Variants in KDM2B observed in about 807,000 individuals in gnomAD.
KDM2B encodes lysine demethylase 2B, also known as lysine-specific demethylase 2B.
Under a neutral mutation model 150.0 loss-of-function variants are expected in KDM2B, and 26 were observed. The observed-to-expected ratio is 0.17, with a 90% CI of 0.13 to 0.24. The LOEUF (loss-of-function observed/expected upper bound fraction) is 0.24, where lower values mean the gene tolerates loss of function less well. Among genes scored for constraint, KDM2B ranks in the 10% least tolerant of loss-of-function variants. The pLI is 1.00. For missense variants in KDM2B, 1,265 were observed against 1,816.9 expected, an observed-to-expected ratio of 0.70 and a Z score of 5.52; for synonymous variants, 734 against 729.5, an observed-to-expected ratio of 1.01 and a Z score of -0.10.
chr12:121,418,125 T>C, the KDM2B span: 1 of 567,076 alleles, frequency 1.8e-6, no homozygotes, highest in Non-Finnish European at 3.1e-6. Flanking sequence ...GTCTGAAGGG[T>C]CCCAAAATAG....
chr12:121,519,097 C>T (rs1344711670), intron 9 of KDM2B, among the ~76,000 whole-genome samples: 1 of 152,160 alleles, frequency 6.6e-6, no homozygotes, highest in Non-Finnish European at 1.5e-5. Flanking sequence ...CAGATCTAGG[C>T]GTCACGTGTC....
At chr12:121,519,843 G>A (rs1298467631) in intron 9 of KDM2B, among the ~76,000 whole-genome samples, 1 of 152,138 alleles carries the variant, frequency 6.6e-6, no homozygotes, top group East Asian at 1.9e-4. Flanking sequence ...ACAGGAACAA[G>A]TAGAACAAGA....
chr12:121,420,392 G>A, the KDM2B span: 1 of 1,553,804 alleles, frequency 6.4e-7, no homozygotes, highest in Admixed American at 2.0e-5. Context: ...GGAAGGGACA[G>A]TGCCCTGTGG....
At chr12:121,434,420 C>G (rs149263414) in intron 22 of KDM2B, among the ~76,000 whole-genome samples, 4,693 of 148,384 alleles carry the variant, frequency 0.032, 263 homozygotes, top group African/African-American at 0.11. Context: ...CACTTGAACC[C>G]GGGAGGTGGA....
chr12:121,532,736 A>G, intron 8 of KDM2B, 70 bp downstream of exon 8: 1 of 1,524,812 alleles, frequency 6.6e-7, no homozygotes, highest in Non-Finnish European at 9.0e-7. Flanking sequence ...AGCAACCCTC[A>G]GGGGGCCTAA....
At chr12:121,427,094 C>T (rs1349586755), downstream of KDM2B, among the ~76,000 whole-genome samples, 2 of 152,164 alleles carry the variant, frequency 1.3e-5, no homozygotes, top group African/African-American at 2.4e-5. Context: ...GGGACAGAGC[C>T]TCTTTTCTAG....
At chr12:121,478,605 C>T (rs1411807582) in intron 12 of KDM2B, among the ~76,000 whole-genome samples, 5 of 151,618 alleles carry the variant, frequency 3.3e-5, no homozygotes, top group East Asian at 2.0e-4. Context: ...ATGATCCACC[C>T]GCCTCGGCCT....
chr12:121,575,139 G>C lies in KDM2B; in HGVS notation c.351-546C>G, dbSNP rs542581458. ...AGGTTTAAATCCTACTCACAGGGATGGACTCTTGAGCAAGTCTGGGAGCAG... is the reference window on the plus strand; with the variant it reads ...AGGTTTAAATCCTACTCACAGGGATCGACTCTTGAGCAAGTCTGGGAGCAG... On this transcript the variant is annotated intron_variant, in intron 3 of 22. Coordinates refer to ENST00000377071, the MANE Select transcript of KDM2B (RefSeq NM_032590.5). The surrounding 1 kb of genome is among the most constrained non-coding windows in gnomAD (Gnocchi z 4.4). Among the ~76,000 whole-genome samples the C allele has an allele frequency of 6.6e-6, 1 of 152,214 alleles. No individual in the cohort carries two copies. The highest frequency in any genetic ancestry group is 2.4e-5 in the African/African-American group (1 of 41,452).
chr12:121,559,074 C>A (rs987184212), intron 4 of KDM2B, among the ~76,000 whole-genome samples: 9 of 152,214 alleles, frequency 5.9e-5, no homozygotes, highest in African/African-American at 2.2e-4. Flanking sequence ...ACACCTCAGC[C>A]TGCTCCGCCC....
At chr12:121,487,316 T>C (rs1024703090) in intron 12 of KDM2B, among the ~76,000 whole-genome samples, 1 of 151,828 alleles carries the variant, frequency 6.6e-6, no homozygotes, top group Non-Finnish European at 1.5e-5. Flanking sequence ...TGATTGGAGG[T>C]TTTTATGGAC....
At chr12:121,582,037 A>G (rs1555318166), upstream of KDM2B, among the ~76,000 whole-genome samples, 1 of 152,212 alleles carries the variant, frequency 6.6e-6, no homozygotes, top group Admixed American at 6.5e-5. Flanking sequence ...TTCCAAACTG[A>G]AATCGCCCAC....
At chr12:121,509,482 C>A in intron 11 of KDM2B, 85 bp downstream of exon 11, 1 of 1,545,336 alleles carries the variant, frequency 6.5e-7, no homozygotes, top group South Asian at 1.3e-5. Flanking sequence ...ACAGAGCCAT[C>A]GTGAGCTGAG....
the KDM2B span, chr12:121,417,882 C>T: frequency 6.2e-7 from 1 of 1,613,872 alleles, no homozygotes; most frequent in East Asian, 2.2e-5. The surrounding 1 kb of genome is among the most constrained non-coding windows in gnomAD (Gnocchi z 5.0). Context: ...GGATGGAGAC[C>T]AAACATCCAG....
intron 6 of KDM2B, among the ~76,000 whole-genome samples, chr12:121,540,885 G>A (rs1888554364): frequency 6.6e-6 from 1 of 151,830 alleles, no homozygotes; most frequent in African/African-American, 2.4e-5. Flanking sequence ...AGCATGGGAA[G>A]AAGGCAGGGC....
chr12:121,561,623 A>G (rs1271918280), intron 4 of KDM2B, among the ~76,000 whole-genome samples: 2 of 152,166 alleles, frequency 1.3e-5, no homozygotes, highest in Middle Eastern at 3.4e-3. Context: ...ATCCAACTCA[A>G]TGTGCCCGGA....
At chr12:121,482,277 T>C (rs553597488) in intron 12 of KDM2B, among the ~76,000 whole-genome samples, 1 of 152,178 alleles carries the variant, frequency 6.6e-6, no homozygotes, top group East Asian at 1.9e-4. Context: ...AAAAAGGGGA[T>C]GCCTAAATTT....
At chr12:121,483,507 T>C (rs1882387707) in intron 12 of KDM2B, among the ~76,000 whole-genome samples, 1 of 151,870 alleles carries the variant, frequency 6.6e-6, no homozygotes, top group Admixed American at 6.6e-5. Context: ...ACCCCATCTC[T>C]ACTAAAAAAA....
At chr12:121,541,279 T>G (rs1555309722) in intron 6 of KDM2B, among the ~76,000 whole-genome samples, 1 of 150,348 alleles carries the variant, frequency 6.7e-6, no homozygotes, top group East Asian at 1.9e-4. Flanking sequence ...ACACCTGTAG[T>G]GCCAGCTACT....
intron 13 of KDM2B, among the ~76,000 whole-genome samples, chr12:121,450,968 T>C (rs1877165274): frequency 6.6e-6 from 1 of 152,086 alleles, no homozygotes; most frequent in Admixed American, 6.5e-5. Context: ...AAGTTAAAAA[T>C]AGAATCGTCA....
Sources: gnomAD v4.1 joint callset for allele counts (sites outside exome capture counted in the v4.1 genomes callset) on GRCh38, gnomAD v4.1.1 for gene constraint, Gnocchi (gnomAD v3.1) non-coding constraint, MANE v1.5 for transcripts, NCBI Gene and HGNC (gene_info 2026-07-23, HGNC 2026-07-21) for gene names.